Variants in POFUT3 observed in about 807,000 individuals in gnomAD.
POFUT3 encodes the protein protein O-fucosyltransferase 3.
At chr8:33,433,883 G>A in the POFUT3 span, among the ~76,000 whole-genome samples, 8 of 151,858 alleles carry the variant, frequency 5.3e-5, no homozygotes, top group South Asian at 8.3e-4. Flanking sequence ...TGGGAGGATC[G>A]CTTGGGCCTA....
At chr8:33,349,054 C>T in the POFUT3 span, among the ~76,000 whole-genome samples, 31,642 of 152,140 alleles carry the variant, frequency 0.21, 3,851 homozygotes, top group South Asian at 0.51. Flanking sequence ...GACTTGACCT[C>T]GGAGGAGATC....
the POFUT3 span, among the ~76,000 whole-genome samples, chr8:33,406,471 AC>A: frequency 4.0e-5 from 6 of 151,872 alleles, no homozygotes; most frequent in Non-Finnish European, 8.8e-5. Flanking sequence ...ACAGGGTCTC[AC>A]TCCACCCAGG....
chr8:33,338,568 G>T, the POFUT3 span, among the ~76,000 whole-genome samples: 35,129 of 151,996 alleles, frequency 0.23, 4,410 homozygotes, highest in South Asian at 0.5. Context: ...CCTTTCTCCT[G>T]GCTGGAGAGG....
chr8:33,426,476 T>C, the POFUT3 span, among the ~76,000 whole-genome samples: 6 of 152,222 alleles, frequency 3.9e-5, no homozygotes, highest in Non-Finnish European at 8.8e-5. Flanking sequence ...AAAGTAATTG[T>C]TCATTGACAA....
the POFUT3 span, among the ~76,000 whole-genome samples, chr8:33,383,808 G>A: frequency 6.6e-6 from 1 of 151,602 alleles, no homozygotes; most frequent in Non-Finnish European, 1.5e-5. Context: ...AAAAACAACT[G>A]CCCCCTCAGA....
chr8:33,460,861 C>T, the POFUT3 span: 1 of 445,664 alleles, frequency 2.2e-6, no homozygotes, highest in Admixed American at 6.4e-5. Flanking sequence ...AGTAGAAAAC[C>T]TCTGATCCTG....
chr8:33,409,495 C>T, the POFUT3 span, among the ~76,000 whole-genome samples: 2 of 152,326 alleles, frequency 1.3e-5, no homozygotes, highest in South Asian at 2.1e-4. Context: ...TAAAATTCAT[C>T]GGAATTTGTC....
At chr8:33,335,553 T>A in the POFUT3 span, among the ~76,000 whole-genome samples, 1 of 152,288 alleles carries the variant, frequency 6.6e-6, no homozygotes, top group African/African-American at 2.4e-5. Context: ...TAGAACTGGA[T>A]AATACAATCG....
the POFUT3 span, among the ~76,000 whole-genome samples, chr8:33,463,334 G>A: frequency 9.2e-5 from 14 of 151,936 alleles, no homozygotes; most frequent in South Asian, 8.3e-4. Flanking sequence ...GTGAAACCCC[G>A]TCTCTACTAC....
the POFUT3 span, among the ~76,000 whole-genome samples, chr8:33,464,939 A>G: frequency 6.6e-6 from 1 of 152,200 alleles, no homozygotes; most frequent in Non-Finnish European, 1.5e-5. Flanking sequence ...AAGAACCTGT[A>G]AAGTACCTTT....
At chr8:33,357,531 C>T in the POFUT3 span, among the ~76,000 whole-genome samples, 2,061 of 150,060 alleles carry the variant, frequency 0.014, 48 homozygotes, top group African/African-American at 0.047. Flanking sequence ...TGTGTGTATA[C>T]ATATATGTGT....
the POFUT3 span, among the ~76,000 whole-genome samples, chr8:33,317,810 G>A: frequency 3.3e-5 from 5 of 152,086 alleles, no homozygotes; most frequent in East Asian, 3.9e-4. Context: ...GTCCCTCCGC[G>A]CCTAGAGCCT....
At chr8:33,435,541 G>A in the POFUT3 span, among the ~76,000 whole-genome samples, 1 of 150,036 alleles carries the variant, frequency 6.7e-6, no homozygotes, top group Admixed American at 6.7e-5. Context: ...TTCTGAGACA[G>A]AGTCTTACTC....
chr8:33,330,308 G>A, the POFUT3 span, among the ~76,000 whole-genome samples: 5 of 152,132 alleles, frequency 3.3e-5, no homozygotes, highest in African/African-American at 4.8e-5. Context: ...GCTGGGTGTG[G>A]TGGCAGGTGC....
the POFUT3 span, among the ~76,000 whole-genome samples, chr8:33,437,541 T>C: frequency 2.0e-5 from 3 of 152,192 alleles, no homozygotes; most frequent in Non-Finnish European, 4.4e-5. Flanking sequence ...CAGGGCATGG[T>C]GGCTCACACC....
chr8:33,341,250 C>A, the POFUT3 span, among the ~76,000 whole-genome samples: 1 of 151,878 alleles, frequency 6.6e-6, no homozygotes, highest in African/African-American at 2.4e-5. Flanking sequence ...GTCTAGCCAA[C>A]ATAGTGAAAC....
chr8:33,413,018 C>T, the POFUT3 span, among the ~76,000 whole-genome samples: 1 of 135,968 alleles, frequency 7.4e-6, no homozygotes, highest in Admixed American at 7.2e-5. Flanking sequence ...CACACAAACA[C>T]ACAAAACTTC....
the POFUT3 span, among the ~76,000 whole-genome samples, chr8:33,374,306 T>A: frequency 3.3e-5 from 5 of 152,194 alleles, no homozygotes; most frequent in African/African-American, 9.6e-5. Context: ...GAGAACACGT[T>A]TACCTCTGTG....
At chr8:33,388,841 C>T in the POFUT3 span, 3 of 800,578 alleles carry the variant, frequency 3.7e-6, no homozygotes, top group Non-Finnish European at 6.3e-6. Context: ...CTGCAAAGCC[C>T]GGTCTTTCTG....
Sources: gnomAD v4.1 joint callset for allele counts (sites outside exome capture counted in the v4.1 genomes callset) on GRCh38, gnomAD v4.1.1 for gene constraint, MANE v1.5 for transcripts, NCBI Gene and HGNC (gene_info 2026-07-23, HGNC 2026-07-21) for gene names.